The following STPG2 variants were observed in gnomAD, a reference collection of about 807,000 sequenced individuals.
STPG2 encodes the protein sperm tail PG-rich repeat containing 2.
In STPG2, 56 loss-of-function variants were observed where a neutral mutation model predicts 54.2. That is an observed-to-expected ratio of 1.03 (90% CI 0.83 to 1.29). The LOEUF (loss-of-function observed/expected upper bound fraction) is 1.29. Among genes scored for constraint, STPG2 ranks in the 50% most tolerant of loss-of-function variants. STPG2 has a pLI of 0.00. For missense variants in STPG2, 596 were observed against 544.9 expected, an observed-to-expected ratio of 1.09 and a Z score of -0.93; for synonymous variants, 200 against 181.8, an observed-to-expected ratio of 1.10 and a Z score of -0.81.
chr4:97,912,548 C>A (rs911629433), intron 8 of STPG2, among the ~76,000 whole-genome samples: 3 of 151,988 alleles, frequency 2.0e-5, no homozygotes, highest in Non-Finnish European at 4.4e-5. Context: ...CAGAATAGAC[C>A]AAGTGGAGGA....
rs543888469 is a variant in STPG2, at chr4:98,142,567, T to C, written c.109+475A>G. Among the ~76,000 whole-genome samples the C allele has an allele frequency of 1.1e-4, 16 of 151,530 alleles. No homozygotes were observed. In the East Asian group the frequency reaches 2.5e-3, roughly 24 times the overall value. ...ATGAGGACGGTCAGAAAAATCTGTC[T>C]GAAAAAAAAACGGAACTATCTTTAA... is the stretch of plus-strand genomic sequence containing the variant. On this transcript the variant is annotated intron_variant, in intron 1 of 10. Transcript: ENST00000295268.
intron 9 of STPG2, among the ~76,000 whole-genome samples, chr4:97,723,206 G>A (rs1724511876): frequency 1.3e-5 from 2 of 151,656 alleles, no homozygotes; most frequent in Non-Finnish European, 1.5e-5. Context: ...GAAATCCTTC[G>A]TTTTAAAATA....
intron 9 of STPG2, among the ~76,000 whole-genome samples, chr4:97,831,518 A>C (rs1447137077): frequency 1.3e-5 from 2 of 152,172 alleles, no homozygotes; most frequent in Non-Finnish European, 2.9e-5. Context: ...GAAATAACTA[A>C]GATCAGAGCA....
chr4:97,691,992 T>C (rs1240529909), intron 10 of STPG2, among the ~76,000 whole-genome samples: 1 of 152,114 alleles, frequency 6.6e-6, no homozygotes, highest in Non-Finnish European at 1.5e-5. Context: ...GAGCACTGCA[T>C]GAAAGGAGCA....
rs533396788 is a variant in STPG2, at chr4:97,922,273, A to G, written c.1044+21624T>C. ...CACATTGTATGTCATATATATATAT[A>G]TGTAATTTTTATTTCCTAATTATTC... On this transcript the variant is annotated intron_variant, in intron 8 of 10. Transcript: ENST00000295268. Among the ~76,000 whole-genome samples the G allele has an allele frequency of 9.2e-5, 14 of 152,238 alleles. No individual in the cohort carries two copies. The South Asian group carries it at 2.7e-3, about 29-fold the overall frequency.
intron 10 of STPG2, among the ~76,000 whole-genome samples, chr4:97,672,312 T>C (rs1055688722): frequency 8.6e-5 from 13 of 151,156 alleles, no homozygotes; most frequent in African/African-American, 2.7e-4. Context: ...TAGCTAGGAT[T>C]ACAAGCATGC....
At chr4:98,043,642 T>C (rs1737032413) in intron 5 of STPG2, among the ~76,000 whole-genome samples, 1 of 152,142 alleles carries the variant, frequency 6.6e-6, no homozygotes, top group African/African-American at 2.4e-5. Flanking sequence ...TACATGTATT[T>C]ATATTACATA....
chr4:97,565,039 A>G (rs4610341), intron 10 of STPG2, among the ~76,000 whole-genome samples: 96,820 of 152,008 alleles, frequency 0.64, 32,014 homozygotes, highest in African/African-American at 0.83. Context: ...TTTCCAACTT[A>G]GTTCCATTCT....
intron 9 of STPG2, among the ~76,000 whole-genome samples, chr4:97,832,304 C>G (rs1050436970): frequency 3.9e-5 from 6 of 151,930 alleles, no homozygotes; most frequent in East Asian, 1.9e-4. Context: ...GCAGAAAAGG[C>G]CTTTGACAAC....
Position 97,866,860 on chromosome 4 carries a change from G to C in STPG2, c.1045-25928C>G, listed in dbSNP as rs562231068. Among the ~76,000 whole-genome samples the C allele has an allele frequency of 1.8e-4, 28 of 151,964 alleles. No individual in the cohort carries two copies. The South Asian group carries it at 3.5e-3, about 19-fold the overall frequency. On this transcript the variant is annotated intron_variant, in intron 8 of 10. Transcript: ENST00000295268. ...GCAGGGTATCAGAATTTCTTTGCTG[G>C]GGAGAATAGATTAAAGGCAGTGTGG...
chr4:97,592,267 AT>A (rs1208571501), intron 10 of STPG2, among the ~76,000 whole-genome samples: 1 of 152,142 alleles, frequency 6.6e-6, no homozygotes, highest in African/African-American at 2.4e-5. Context: ...TTAAAATCTA[AT>A]AAATGAAAGC....
At chr4:97,967,160 G>T (rs555291966) in intron 7 of STPG2, among the ~76,000 whole-genome samples, 1 of 116,234 alleles carries the variant, frequency 8.6e-6, no homozygotes, top group Non-Finnish European at 1.7e-5. Flanking sequence ...AGGGATGGAG[G>T]AAGATTTACC....
chr4:97,868,760 C>T (rs1729880778), intron 8 of STPG2, among the ~76,000 whole-genome samples: 1 of 151,796 alleles, frequency 6.6e-6, no homozygotes, highest in Non-Finnish European at 1.5e-5. Flanking sequence ...CTGTAAATCT[C>T]CTACTCCCTC....
chr4:97,771,841 A>C (rs1412754074), intron 9 of STPG2, among the ~76,000 whole-genome samples: 1 of 152,224 alleles, frequency 6.6e-6, no homozygotes, highest in African/African-American at 2.4e-5. Flanking sequence ...GGATGTGCAA[A>C]GGGAGAAATA....
chr4:97,668,202 A>C (rs1203270567), intron 10 of STPG2, among the ~76,000 whole-genome samples: 2 of 152,146 alleles, frequency 1.3e-5, no homozygotes, highest in Admixed American at 6.5e-5. Context: ...AAGGTATTCA[A>C]GGCAACAGGC....
chr4:98,082,520 C>A (rs62321592), intron 5 of STPG2, among the ~76,000 whole-genome samples: 54,172 of 133,562 alleles, frequency 0.41, 11,003 homozygotes, highest in Middle Eastern at 0.48. Context: ...GGCTCAATCT[C>A]GGCTCACTGC....
At chr4:97,475,606 G>T (rs889328345) in intron 4 of STPG2, among the ~76,000 whole-genome samples, 3 of 151,904 alleles carry the variant, frequency 2.0e-5, no homozygotes, top group Non-Finnish European at 2.9e-5. Flanking sequence ...GTGTGTACAG[G>T]TCCTACATGG....
chr4:97,890,286 A>G (rs1157210422), intron 8 of STPG2, among the ~76,000 whole-genome samples: 1 of 152,056 alleles, frequency 6.6e-6, no homozygotes, highest in Non-Finnish European at 1.5e-5. Context: ...AAATGTTATC[A>G]TATCTAAAAA....
chr4:97,443,430 G>A (rs1729140038), intron 4 of STPG2, among the ~76,000 whole-genome samples: 1 of 152,062 alleles, frequency 6.6e-6, no homozygotes, highest in Admixed American at 6.6e-5. Flanking sequence ...TCTGGTATAG[G>A]GTTATCAGGA....
Sources: gnomAD v4.1 joint callset for allele counts (sites outside exome capture counted in the v4.1 genomes callset) on GRCh38, gnomAD v4.1.1 for gene constraint, MANE v1.5 for transcripts, NCBI Gene and HGNC (gene_info 2026-07-23, HGNC 2026-07-21) for gene names.